PCDH11X: variants seen among roughly 807,000 people sequenced by gnomAD.
PCDH11X encodes protocadherin 11 X-linked.
Under a neutral mutation model 53.3 loss-of-function variants are expected in PCDH11X, and 18 were observed. That is an observed-to-expected ratio of 0.34 (90% CI 0.23 to 0.50). The LOEUF is 0.50. PCDH11X is among the 20% of genes least tolerant of loss of function. The probability of loss-of-function intolerance (pLI) is 0.98; values close to 1 mark genes in which losing one functional copy is unlikely to be tolerated. For missense variants in PCDH11X, 570 were observed against 1,032.4 expected (o/e 0.55, Z 6.14); for synonymous variants, 279 against 393.3 (o/e 0.71, Z 3.44).
intron 5 of PCDH11X, 149 bp downstream of exon 5, chrX:91,836,193 C>G (rs1602329186): frequency 7.1e-6 from 6 of 841,305 alleles, no homozygotes; most frequent in Non-Finnish European, 9.8e-6. Flanking sequence ...GAAAATTCAT[C>G]AATGCAGTTT....
intron 6 of PCDH11X, among the ~76,000 whole-genome samples, chrX:92,185,489 C>G (rs1342365063): frequency 9.0e-6 from 1 of 110,945 alleles, no homozygotes; most frequent in Non-Finnish European, 1.9e-5. Context: ...GCGCAGGCAA[C>G]AAAGCAAAAA....
At chrX:91,919,269 A>C (rs1382696323) in intron 6 of PCDH11X, among the ~76,000 whole-genome samples, 1 of 111,703 alleles carries the variant, frequency 9.0e-6, no homozygotes, top group Non-Finnish European at 1.9e-5. Flanking sequence ...GTCAAGGTCA[A>C]TTGGTGTTAA....
chrX:92,528,188 G>T (rs1290031144), intron 10 of PCDH11X, among the ~76,000 whole-genome samples: 2 of 112,642 alleles, frequency 1.8e-5, no homozygotes, highest in Non-Finnish European at 3.8e-5. Flanking sequence ...TTAAAGAGAA[G>T]ATTTAGTTTA....
intron 1 of PCDH11X, among the ~76,000 whole-genome samples, chrX:91,805,341 G>A (rs1225394177): frequency 9.0e-6 from 1 of 111,191 alleles, no homozygotes; most frequent in Non-Finnish European, 1.9e-5. Context: ...TCTAGATATT[G>A]CATATCTCAT....
Position 92,590,090 on chromosome X carries a change from G to A in PCDH11X, c.3368-28174G>A, listed in dbSNP as rs146045960. 4.0e-3 allele frequency among the ~76,000 whole-genome samples: 425 copies of A among 106,726 alleles called. 2 individuals carry two copies. The highest frequency in any genetic ancestry group is 5.5e-3 in the Non-Finnish European group (286 of 51,944). 92.7% of individuals were successfully genotyped at this position (106,726 alleles called of 115,157 possible). A position where few individuals can be genotyped will look rare whatever the true frequency, so the allele number is the denominator to read the frequency against. On this transcript the variant is annotated intron_variant, in intron 10 of 10. Coordinates refer to ENST00000682573, the MANE Select transcript of PCDH11X (RefSeq NM_032968.5). ...CAACCAACCCCACCCAATTTATCCT[G>A]CAAGAGGACAGCTATGACCCTCTAT...
In PCDH11X at chrX:91,878,729, T is replaced by C. The variant is rs1939748335; in HGVS notation, c.2489T>C (p.Ile830Thr). The change falls in exon 6 of 11, where the codon ATC (isoleucine) becomes ACC (threonine). Residue 830 changes from isoleucine (I) to threonine (T), a missense_variant. Ile to Thr is a moderately conservative substitution (Grantham distance 89). Transcript: ENST00000682573. ...ATAACTGTCGTTGTAGTTATTTTCA[T>C]CACTGCTGTAGTAAGATGTCGCCAG... ...GTITVVVVIFITAVVRCRQAP... is the reference protein window; with the variant it reads ...GTITVVVVIFTTAVVRCRQAP... The C allele has an allele frequency of 8.3e-7, 1 of 1,208,399 alleles. No individual in the cohort carries two copies. Among genetic ancestry groups the C allele is most frequent in the African/African-American group, 1.8e-5 (1 of 56,725 alleles).
At chrX:92,108,881 T>C (rs1305578149) in intron 6 of PCDH11X, among the ~76,000 whole-genome samples, 1 of 111,768 alleles carries the variant, frequency 8.9e-6, no homozygotes, top group Non-Finnish European at 1.9e-5. Flanking sequence ...TAAAATGTTC[T>C]ATTATCATTA....
rs779473251 is a variant in PCDH11X, at chrX:91,823,290, T to G, written c.-45+11995T>G. On this transcript the variant is annotated intron_variant, in intron 4 of 10. Transcript: ENST00000682573. ...ACAGTGGGGTGTTAAAGTCTCCCAT[T>G]ATTAATGTGTCGGAGTCTAAGTCTC... is the stretch of plus-strand genomic sequence containing the variant. Among the ~76,000 whole-genome samples, 140 of 110,918 alleles carry G rather than the reference T, an allele frequency of 1.3e-3. 1 individual carries two copies. The highest frequency in any genetic ancestry group is 4.5e-3 in the African/African-American group (138 of 30,456).
chrX:92,440,775 T>G, intron 9 of PCDH11X, among the ~76,000 whole-genome samples: 1 of 109,090 alleles, frequency 9.2e-6, no homozygotes. Flanking sequence ...TTGGTACCAG[T>G]AGAGTGGGGT....
intron 10 of PCDH11X, among the ~76,000 whole-genome samples, chrX:92,509,409 G>A (rs1407630152): frequency 2.8e-5 from 3 of 108,947 alleles, no homozygotes; most frequent in Non-Finnish European, 5.7e-5. Context: ...TGTTTATCCT[G>A]ATTATTTAAG....
chrX:92,277,890 TC>T (rs1340711132), intron 8 of PCDH11X, among the ~76,000 whole-genome samples: 3 of 110,903 alleles, frequency 2.7e-5, no homozygotes, highest in African/African-American at 9.8e-5. Flanking sequence ...ACTTGCCCCT[TC>T]CCCAGAAAAG....
intron 5 of PCDH11X, among the ~76,000 whole-genome samples, chrX:91,865,584 G>A (rs1402007791): frequency 8.9e-6 from 1 of 111,822 alleles, no homozygotes; most frequent in Non-Finnish European, 1.9e-5. Flanking sequence ...TTCATTTCAG[G>A]GTAACAAGGT....
At chrX:92,263,497 G>A (rs1364404198) in intron 8 of PCDH11X, among the ~76,000 whole-genome samples, 1 of 111,708 alleles carries the variant, frequency 9.0e-6, no homozygotes, top group East Asian at 2.8e-4. Context: ...TCACATTTTA[G>A]CAGTGACAGC....
At chrX:92,460,121 A>AT (rs2073005121) in intron 9 of PCDH11X, 1 of 1,066,223 alleles carries the variant, frequency 9.4e-7, no homozygotes, top group Non-Finnish European at 1.3e-6. Flanking sequence ...ATCGTTCTGC[A>AT]TATTGACAAT....
chrX:92,125,465 T>A (rs1299277290), intron 6 of PCDH11X, among the ~76,000 whole-genome samples: 6 of 110,832 alleles, frequency 5.4e-5, no homozygotes, highest in Non-Finnish European at 9.4e-5. Flanking sequence ...TTATTATCTG[T>A]CTCATTGCTT....
intron 6 of PCDH11X, among the ~76,000 whole-genome samples, chrX:91,904,034 G>A (rs1033898526): frequency 3.6e-5 from 4 of 109,795 alleles, no homozygotes; most frequent in African/African-American, 1.3e-4. Flanking sequence ...GAGTTGAGGA[G>A]ATGGAGAACA....
intron 8 of PCDH11X, among the ~76,000 whole-genome samples, chrX:92,296,056 T>C (rs2068602028): frequency 1.9e-5 from 2 of 106,425 alleles, no homozygotes; most frequent in Admixed American, 2.0e-4. Flanking sequence ...CACTCCAGTC[T>C]GGGCAACAAG....
chrX:92,117,033 A>T (rs1238516683), intron 6 of PCDH11X, among the ~76,000 whole-genome samples: 2 of 109,340 alleles, frequency 1.8e-5, no homozygotes, highest in East Asian at 5.8e-4. Context: ...ATGAACCTGA[A>T]CATGTTTTTC....
chrX:91,973,265 A>G (rs1170656317), intron 6 of PCDH11X, among the ~76,000 whole-genome samples: 8 of 77,339 alleles, frequency 1.0e-4, no homozygotes, highest in Non-Finnish European at 1.4e-4. Flanking sequence ...AGGAAGGGGA[A>G]TATCACACTC....
Sources: gnomAD v4.1 joint callset for allele counts (sites outside exome capture counted in the v4.1 genomes callset) on GRCh38, gnomAD v4.1.1 for gene constraint, MANE v1.5 for transcripts, NCBI Gene and HGNC (gene_info 2026-07-23, HGNC 2026-07-21) for gene names.